Variants in GPSM2 observed in about 807,000 individuals in gnomAD.
GPSM2 encodes the protein G protein-signaling modulator 2.
Under a neutral mutation model 78.4 loss-of-function variants are expected in GPSM2, and 58 were observed. That is an observed-to-expected ratio of 0.74 (90% CI 0.60 to 0.92). The LOEUF is 0.92. GPSM2 is among the 40% of genes least tolerant of loss of function. The probability of loss-of-function intolerance (pLI) is 0.00; values close to 1 mark genes in which losing one functional copy is unlikely to be tolerated. For missense variants in GPSM2, 700 were observed against 815.5 expected (o/e 0.86, Z 1.73); for synonymous variants, 224 against 280.2 (o/e 0.80, Z 2.00).
At chr1:108,910,044 TTTTC>T (rs2101477474) in intron 10 of GPSM2, 1 of 151,948 alleles carries the variant, frequency 6.6e-6, no homozygotes, top group South Asian at 2.1e-4. Flanking sequence ...TAAAACAGTG[TTTTC>T]TTTAAGTCAA....
chr1:108,911,477 A>G (rs1478318826), intron 10 of GPSM2, among the ~76,000 whole-genome samples: 1 of 152,164 alleles, frequency 6.6e-6, no homozygotes, highest in African/African-American at 2.4e-5. Context: ...CAGTGAGCCG[A>G]GATCACGCCA....
chr1:108,877,019 C>T lies in GPSM2; in HGVS notation c.-458C>T, dbSNP rs1392811042. 2.0e-5 allele frequency: 3 copies of T among 152,318 alleles called. No homozygotes were observed. The highest frequency in any genetic ancestry group is 2.9e-5 in the Non-Finnish European group (2 of 68,142). The allele number at this position is 152,318 out of a possible 1,614,324, so 9.4% of individuals were successfully genotyped here. Reference sequence around the variant, plus strand: ...GGCGGTGTTGAGACCGGCGGAGCGGCGGGACCCCTAGGTGGCGGAGGGACG... The same window carrying T: ...GGCGGTGTTGAGACCGGCGGAGCGGTGGGACCCCTAGGTGGCGGAGGGACG... On this transcript the variant is annotated 5_prime_UTR_variant, in exon 1 of 15. Coordinates refer to ENST00000264126, the MANE Select transcript of GPSM2 (RefSeq NM_013296.5).
chr1:108,921,894 TTCA>T (rs1156498726), intron 12 of GPSM2, among the ~76,000 whole-genome samples: 2 of 152,230 alleles, frequency 1.3e-5, no homozygotes, highest in Non-Finnish European at 1.5e-5. Flanking sequence ...AAACATTATA[TTCA>T]TCATTTCAGT....
At chr1:108,890,442 C>T (rs1647890039) in intron 2 of GPSM2, among the ~76,000 whole-genome samples, 2 of 152,198 alleles carry the variant, frequency 1.3e-5, no homozygotes, top group African/African-American at 4.8e-5. Flanking sequence ...TTCTGTGATA[C>T]AGTCTAGATC....
At chr1:108,887,858 T>C (rs1019867565) in intron 2 of GPSM2, among the ~76,000 whole-genome samples, 1 of 152,188 alleles carries the variant, frequency 6.6e-6, no homozygotes, top group African/African-American at 2.4e-5. Context: ...TTTGTAAACA[T>C]GATAACCAAT....
In GPSM2 at chr1:108,922,480, A is replaced by C. The variant is rs373972766; in HGVS notation, c.1504A>C (p.Asn502His). ...FFDLLSRFQS[N>H]RMDDQRCCLQ... ...TGACTTATTAAGCCGATTTCAAAGCAATAGGATGGATGATCAGAGATGTTG... is the reference window on the plus strand; with the variant it reads ...TGACTTATTAAGCCGATTTCAAAGCCATAGGATGGATGATCAGAGATGTTG... Residue 502 changes from asparagine to histidine, a missense_variant, in exon 13 of 15, where the codon AAT becomes CAT. Asn to His is a moderately conservative substitution (Grantham distance 68, BLOSUM62 1). Transcript: ENST00000264126. The C allele has an allele frequency of 6.2e-6, 10 of 1,612,270 alleles. No homozygotes were observed. The African/African-American group carries it at 1.3e-4, about 22-fold the overall frequency.
chr1:108,916,565 A>T (rs918542392), intron 11 of GPSM2, among the ~76,000 whole-genome samples: 1 of 152,220 alleles, frequency 6.6e-6, no homozygotes, highest in African/African-American at 2.4e-5. Flanking sequence ...AAAAGCTTTT[A>T]AAAAGGCCAT....
chr1:108,928,336 AGAGGAAGTCTAGGAACTAAGT>A (rs765746444), intron 14 of GPSM2, among the ~76,000 whole-genome samples: 34 of 152,256 alleles, frequency 2.2e-4, no homozygotes, highest in Non-Finnish European at 3.7e-4. Context: ...ACATTCAATC[AGAGGAAGTCTAGGAACTAAGT>A]GAGGAAGTCT....
At chr1:108,929,175 T>C (rs1174652169) in intron 14 of GPSM2, among the ~76,000 whole-genome samples, 2 of 152,140 alleles carry the variant, frequency 1.3e-5, no homozygotes, top group African/African-American at 2.4e-5. Flanking sequence ...ATAGATAGTA[T>C]ATAAACATAT....
chr1:108,893,220 C>T (rs1486604514), intron 2 of GPSM2, among the ~76,000 whole-genome samples: 1 of 152,198 alleles, frequency 6.6e-6, no homozygotes, highest in East Asian at 1.9e-4. Flanking sequence ...GAAGATACTT[C>T]TCAGTTTTAT....
At chr1:108,924,434 C>CGTGT (rs146170134) in intron 14 of GPSM2, 1 of 593,164 alleles carries the variant, frequency 1.7e-6, no homozygotes, top group South Asian at 1.9e-5. Flanking sequence ...TTAGGAGAGA[C>CGTGT]GTGTGTGTGT....
intron 11 of GPSM2, among the ~76,000 whole-genome samples, chr1:108,916,589 C>A (rs1251604724): frequency 6.6e-6 from 1 of 152,164 alleles, no homozygotes; most frequent in Non-Finnish European, 1.5e-5. Context: ...TGTCTACTTT[C>A]TTCTTTTAGG....
chr1:108,904,476 C>T (rs1361517227), intron 10 of GPSM2, among the ~76,000 whole-genome samples: 1 of 148,470 alleles, frequency 6.7e-6, no homozygotes. Flanking sequence ...AAGTGTAAAA[C>T]AATATTTTAT....
In GPSM2 at chr1:108,929,940, G is replaced by C; in HGVS notation, c.2055G>C (p.Ter685TyrextTer13). 2 of 1,612,550 alleles carry C rather than the reference G, an allele frequency of 1.2e-6. No individual in the cohort carries two copies. The highest frequency in any genetic ancestry group is 8.5e-7 in the Non-Finnish European group (1 of 1,178,812). Residue 685 changes from the stop codon to tyrosine (Y), a stop_lost, in exon 15 of 15, where the codon TAG becomes TAC. Transcript: ENST00000264126. Reference protein sequence around the residue: ...KNSGKKSADH* With the variant: ...KNSGKKSADHY ...CAGGGAAAAAATCGGCAGACCATTAGTTACTATGGATTTATTTTTTTTCCT... is the reference window on the plus strand; with the variant it reads ...CAGGGAAAAAATCGGCAGACCATTACTTACTATGGATTTATTTTTTTTCCT...
rs1427682429 is a variant in GPSM2, at chr1:108,885,387, A to G, written c.-136A>G. 1 of 551,576 alleles carries G rather than the reference A, an allele frequency of 1.8e-6. No individual in the cohort carries two copies. 34.2% of individuals were successfully genotyped at this position (551,576 alleles called of 1,614,324 possible). A position where few individuals can be genotyped will look rare whatever the true frequency, so the allele number is the denominator to read the frequency against. ...CTTTCATTATTAATAAAGAAGAATC[A>G]GGAGCTTAGGATGTATTAACACCAA... On this transcript the variant is annotated 5_prime_UTR_variant, in exon 2 of 15. Transcript: ENST00000264126.
intron 2 of GPSM2, among the ~76,000 whole-genome samples, chr1:108,891,532 TCA>T (rs1647966710): frequency 6.6e-6 from 1 of 152,180 alleles, no homozygotes; most frequent in Non-Finnish European, 1.5e-5. Context: ...TCTGGCTCTG[TCA>T]CCCATGCTGG....
chr1:108,902,599 A>C (rs917457876), intron 8 of GPSM2, among the ~76,000 whole-genome samples: 1 of 152,168 alleles, frequency 6.6e-6, no homozygotes, highest in African/African-American at 2.4e-5. Context: ...GTTAGTGGCT[A>C]ATTCAGTTTT....
intron 7 of GPSM2, among the ~76,000 whole-genome samples, chr1:108,901,238 C>G (rs1332584458): frequency 1.3e-5 from 2 of 152,206 alleles, no homozygotes; most frequent in Non-Finnish European, 2.9e-5. Context: ...TAGCTTCTCA[C>G]TGGCAATACC....
chr1:108,925,860 T>TATC (rs1212158226), intron 14 of GPSM2, among the ~76,000 whole-genome samples: 1 of 151,992 alleles, frequency 6.6e-6, no homozygotes, highest in Non-Finnish European at 1.5e-5. Context: ...AAACGTAGTT[T>TATC]ATCTACAGAT....
Sources: gnomAD v4.1 joint callset for allele counts (sites outside exome capture counted in the v4.1 genomes callset) on GRCh38, gnomAD v4.1.1 for gene constraint, MANE v1.5 for transcripts, NCBI Gene and HGNC (gene_info 2026-07-23, HGNC 2026-07-21) for gene names.